Variants in MNAT1 observed in about 807,000 individuals in gnomAD.
MNAT1 encodes CDK-activating kinase assembly factor MAT1.
Under a neutral mutation model 42.0 loss-of-function variants are expected in MNAT1, and 43 were observed. The observed-to-expected ratio is 1.02, with a 90% CI of 0.80 to 1.32. The LOEUF (loss-of-function observed/expected upper bound fraction) is 1.32, where lower values mean the gene tolerates loss of function less well. Among genes scored for constraint, MNAT1 ranks in the 40% most tolerant of loss-of-function variants. The pLI, the probability that MNAT1 is intolerant of heterozygous loss-of-function variation, is 0.00. For missense variants in MNAT1, 306 were observed against 350.4 expected (o/e 0.87, Z 1.01); for synonymous variants, 118 against 120.0 (o/e 0.98, Z 0.11).
intron 7 of MNAT1, among the ~76,000 whole-genome samples, chr14:60,945,567 A>G (rs1332237283): frequency 6.6e-6 from 1 of 152,218 alleles, no homozygotes; most frequent in African/African-American, 2.4e-5. Context: ...AAATTCCTTT[A>G]TAATCACATC....
At chr14:60,752,509 T>G (rs1885093) in intron 1 of MNAT1, among the ~76,000 whole-genome samples, 141,038 of 152,148 alleles carry the variant, frequency 0.93, 65,879 homozygotes, top group Non-Finnish European at 0.99. Flanking sequence ...TTCTTTTAAT[T>G]TTTATCTTCT....
At chr14:60,856,892 G>A (rs1452234865) in intron 6 of MNAT1, among the ~76,000 whole-genome samples, 1 of 152,044 alleles carries the variant, frequency 6.6e-6, no homozygotes, top group East Asian at 1.9e-4. Flanking sequence ...TATTGGCCAG[G>A]CTGGTCTCGA....
rs192704229 is a variant in MNAT1, at chr14:60,791,155, A to C, written c.90-5062A>C. ...TCTGGCTCAGAATGGACTTAAATAT[A>C]CTATTTGAATTTGTACCTTATATTA... is the stretch of plus-strand genomic sequence containing the variant. On this transcript the variant is annotated intron_variant, in intron 1 of 7. Coordinates refer to ENST00000261245, the MANE Select transcript of MNAT1 (RefSeq NM_002431.4). 3.9e-5 allele frequency among the ~76,000 whole-genome samples: 6 copies of C among 152,300 alleles called. No homozygotes were observed. In the East Asian group the frequency reaches 1.2e-3, roughly 29 times the overall value.
intron 1 of MNAT1, among the ~76,000 whole-genome samples, chr14:60,749,341 T>C (rs2029969646): frequency 1.3e-5 from 2 of 152,226 alleles, no homozygotes; most frequent in African/African-American, 2.4e-5. Flanking sequence ...TCTAAAGTAG[T>C]AGTTCATTAG....
At chr14:60,841,845 C>T (rs909950590) in intron 6 of MNAT1, among the ~76,000 whole-genome samples, 2 of 152,224 alleles carry the variant, frequency 1.3e-5, no homozygotes, top group Admixed American at 6.5e-5. Flanking sequence ...CATGGTGATA[C>T]TATTCTGAAG....
chr14:60,881,439 C>T (rs987124578), intron 7 of MNAT1, among the ~76,000 whole-genome samples: 2 of 152,050 alleles, frequency 1.3e-5, no homozygotes, highest in Non-Finnish European at 2.9e-5. Flanking sequence ...CCCACCTTGG[C>T]CCCCCAAAAG....
chr14:60,749,013 C>T (rs1011040450), intron 1 of MNAT1, among the ~76,000 whole-genome samples: 3 of 152,104 alleles, frequency 2.0e-5, no homozygotes, highest in Non-Finnish European at 2.9e-5. Flanking sequence ...AGGATGGCTA[C>T]GAAGTCATTA....
intron 7 of MNAT1, among the ~76,000 whole-genome samples, chr14:60,960,006 TTC>T (rs1196505356): frequency 6.6e-6 from 1 of 151,742 alleles, no homozygotes; most frequent in African/African-American, 2.4e-5. Context: ...TTATTTTCAC[TTC>T]TGATAGTATT....
At chr14:60,862,740 T>C (rs1418987177) in intron 6 of MNAT1, among the ~76,000 whole-genome samples, 2 of 152,218 alleles carry the variant, frequency 1.3e-5, no homozygotes, top group Non-Finnish European at 2.9e-5. Flanking sequence ...TTTATCTACA[T>C]ATGTTAATAT....
chr14:60,907,628 CA>C (rs2035231336), intron 7 of MNAT1, among the ~76,000 whole-genome samples: 1 of 150,378 alleles, frequency 6.6e-6, no homozygotes, highest in Non-Finnish European at 1.5e-5. Flanking sequence ...TAAAAAAATA[CA>C]AAATTAGCAG....
At chr14:60,872,176 G>A (rs773284193) in intron 6 of MNAT1, among the ~76,000 whole-genome samples, 14 of 152,078 alleles carry the variant, frequency 9.2e-5, no homozygotes, top group Non-Finnish European at 1.8e-4. Context: ...GCAGGCACAC[G>A]TGGCAAGAGA....
At chr14:60,780,671 T>C in intron 1 of MNAT1, 1 of 897,036 alleles carries the variant, frequency 1.1e-6, no homozygotes, top group Non-Finnish European at 1.7e-6. Flanking sequence ...ATAGTTGATA[T>C]GTTTTATTTC....
chr14:60,834,026 C>T (rs796498474), intron 6 of MNAT1, among the ~76,000 whole-genome samples: 21 of 152,234 alleles, frequency 1.4e-4, no homozygotes, highest in African/African-American at 5.1e-4. Flanking sequence ...GTGACATTCT[C>T]TTCATCATTT....
At chr14:60,942,091 T>A (rs2036176307) in intron 7 of MNAT1, among the ~76,000 whole-genome samples, 1 of 151,546 alleles carries the variant, frequency 6.6e-6, no homozygotes, top group Non-Finnish European at 1.5e-5. Flanking sequence ...TCATATCTTC[T>A]TTTCCACACT....
chr14:60,782,619 A>G (rs1013112637), intron 1 of MNAT1, among the ~76,000 whole-genome samples: 1 of 152,198 alleles, frequency 6.6e-6, no homozygotes, highest in Non-Finnish European at 1.5e-5. Flanking sequence ...TTGAGAGTGT[A>G]CTATGTGTCT....
rs1319286881 is a variant in MNAT1 at position 60,822,455 on chromosome 14, T to A, written c.687+3608T>A. 1.3e-5 allele frequency among the ~76,000 whole-genome samples: 2 copies of A among 152,102 alleles called. 1 individual carries two copies. Among genetic ancestry groups the A allele is most frequent in the Non-Finnish European group, 2.9e-5 (2 of 68,010 alleles). ...TTTAAATTTATTTTTAGAGACAGGA[T>A]CTTGTTCTGTTACTTCAAGCTGGAG... is the stretch of plus-strand genomic sequence containing the variant. On this transcript the variant is annotated intron_variant, in intron 6 of 7. Transcript: ENST00000261245.
chr14:60,802,029 A>G (rs1408698452), intron 3 of MNAT1, among the ~76,000 whole-genome samples: 1 of 152,212 alleles, frequency 6.6e-6, no homozygotes, highest in African/African-American at 2.4e-5. Context: ...TCACAGAAAG[A>G]CAAATATGGC....
intron 6 of MNAT1, among the ~76,000 whole-genome samples, chr14:60,847,396 A>C (rs1019552495): frequency 1.0e-4 from 15 of 150,144 alleles, no homozygotes; most frequent in Non-Finnish European, 1.5e-5. Flanking sequence ...AGAGTGAGAC[A>C]ACGTCTCAAA....
intron 7 of MNAT1, among the ~76,000 whole-genome samples, chr14:60,881,744 G>A (rs964493894): frequency 6.6e-6 from 1 of 151,754 alleles, no homozygotes; most frequent in South Asian, 2.1e-4. Flanking sequence ...TAAGGTAGAT[G>A]GTATATCCAT....
Sources: allele counts gnomAD v4.1 joint callset (sites outside exome capture counted in the v4.1 genomes callset), GRCh38; gene constraint gnomAD v4.1.1; transcripts MANE v1.5; gene names NCBI Gene and HGNC (gene_info 2026-07-23, HGNC 2026-07-21).